The following RHOBTB1 variants were observed in gnomAD, a reference collection of about 807,000 sequenced individuals.
RHOBTB1 encodes Rho related BTB domain containing 1, also known as rho-related BTB domain-containing protein 1.
In RHOBTB1, 40 loss-of-function variants were observed where a neutral mutation model predicts 71.6. The observed-to-expected ratio is 0.56, with a 90% confidence interval of 0.43 to 0.73. The LOEUF (loss-of-function observed/expected upper bound fraction) is 0.73, where lower values mean the gene tolerates loss of function less well. Among genes scored for constraint, RHOBTB1 ranks in the 30% least tolerant of loss-of-function variants. RHOBTB1 has a pLI of 0.00. For synonymous variants in RHOBTB1, 319 were observed against 334.9 expected, an observed-to-expected ratio of 0.95 and a Z score of 0.52; for missense variants, 797 against 894.0, an observed-to-expected ratio of 0.89 and a Z score of 1.38.
intron 9 of RHOBTB1, 45 bp from the exon 10 acceptor site, chr10:60,872,335 A>G: frequency 7.2e-7 from 1 of 1,385,822 alleles, no homozygotes; most frequent in Non-Finnish European, 1.0e-6. Flanking sequence ...TTTTCTAAAG[A>G]GGGGCTACAA....
chr10:60,934,569 G>A (rs1490035344), intron 2 of RHOBTB1, among the ~76,000 whole-genome samples: 1 of 152,202 alleles, frequency 6.6e-6, no homozygotes, highest in Non-Finnish European at 1.5e-5. Context: ...AATAAATAGA[G>A]TTTAAAGAAT....
intron 2 of RHOBTB1, among the ~76,000 whole-genome samples, chr10:60,979,059 G>T (rs554565595): frequency 1.2e-3 from 181 of 152,188 alleles, no homozygotes; most frequent in Non-Finnish European, 1.9e-3. Context: ...TGGCTTCCTT[G>T]TCATCAGTAG....
intron 2 of RHOBTB1, among the ~76,000 whole-genome samples, chr10:60,939,109 C>G (rs1268953849): frequency 1.3e-5 from 2 of 152,176 alleles, no homozygotes; most frequent in Non-Finnish European, 1.5e-5. Context: ...TTGCTTTCTT[C>G]TAGACCTATT....
chr10:60,879,509 T>C (rs2081210476), intron 7 of RHOBTB1, among the ~76,000 whole-genome samples: 1 of 151,424 alleles, frequency 6.6e-6, no homozygotes, highest in South Asian at 2.1e-4. Context: ...ATTTATTTTA[T>C]TAATTTTTTT....
chr10:60,988,266 T>A (rs2086737455), intron 1 of RHOBTB1, among the ~76,000 whole-genome samples: 1 of 152,154 alleles, frequency 6.6e-6, no homozygotes, highest in Admixed American at 6.5e-5. Context: ...ACAGTTATAT[T>A]TATTTATTTC....
intron 2 of RHOBTB1, among the ~76,000 whole-genome samples, chr10:60,974,238 G>C (rs991740363): frequency 6.6e-6 from 1 of 151,926 alleles, no homozygotes; most frequent in Non-Finnish European, 1.5e-5. Flanking sequence ...TAATATAAAT[G>C]TATACTTGGA....
Position 60,888,760 on chromosome 10 carries a change from G to A in RHOBTB1, c.908C>T (p.Ser303Phe), listed in dbSNP as rs774977675. 1.9e-5 allele frequency: 30 copies of A among 1,614,070 alleles called. No individual in the cohort carries two copies. Among genetic ancestry groups the A allele is most frequent in the Non-Finnish European group, 2.5e-5 (29 of 1,180,036 alleles). ...ACAGGCTCCTTCACTCCCATTTGGGGATTCTTCACATTCCATTAAAAACAG... is the reference window on the plus strand; with the variant it reads ...ACAGGCTCCTTCACTCCCATTTGGGAATTCTTCACATTCCATTAAAAACAG... The part of the protein sequence containing the change: ...YDLFLMECEE[S>F]PNGSEGACEK... Residue 303 changes from serine (S) to phenylalanine (F), a missense_variant, in exon 6 of 11, where the codon TCC becomes TTC. By Grantham distance (155) the Ser-to-Phe change is radical (BLOSUM62 -2). Coordinates refer to ENST00000337910, the MANE Select transcript of RHOBTB1 (RefSeq NM_014836.5).
At chr10:60,910,368 T>C (rs766309683) in intron 4 of RHOBTB1, among the ~76,000 whole-genome samples, 3 of 152,248 alleles carry the variant, frequency 2.0e-5, no homozygotes, top group East Asian at 1.9e-4. Context: ...TTTGGAAATA[T>C]GTCTTGCGAA....
chr10:60,979,540 G>T (rs1038861371), intron 2 of RHOBTB1, among the ~76,000 whole-genome samples: 1 of 152,134 alleles, frequency 6.6e-6, no homozygotes, highest in African/African-American at 2.4e-5. Context: ...TGAGGGAAAA[G>T]AAATGAGGTG....
chr10:60,866,355 A>G (rs2080635399), downstream of RHOBTB1, among the ~76,000 whole-genome samples: 1 of 152,230 alleles, frequency 6.6e-6, no homozygotes, highest in Non-Finnish European at 1.5e-5. Context: ...AAAAGTAGAT[A>G]GAAGGAAATT....
At chr10:60,936,734 C>A (rs1283618281) in intron 2 of RHOBTB1, among the ~76,000 whole-genome samples, 2 of 152,226 alleles carry the variant, frequency 1.3e-5, no homozygotes, top group Non-Finnish European at 2.9e-5. Context: ...TCATAATCTG[C>A]ACTTTAACAA....
At chr10:60,977,047 G>A (rs2086340422) in intron 2 of RHOBTB1, among the ~76,000 whole-genome samples, 1 of 151,934 alleles carries the variant, frequency 6.6e-6, no homozygotes, top group Admixed American at 6.6e-5. Flanking sequence ...GTAAATGAAG[G>A]AGAATTATAT....
chr10:60,936,977 T>C (rs1411073538), intron 2 of RHOBTB1, among the ~76,000 whole-genome samples: 1 of 152,200 alleles, frequency 6.6e-6, no homozygotes, highest in Admixed American at 6.5e-5. Flanking sequence ...CATCTTGCAA[T>C]ATGCATTTAC....
chr10:60,937,744 G>T (rs1027724816), intron 2 of RHOBTB1, among the ~76,000 whole-genome samples: 1 of 152,176 alleles, frequency 6.6e-6, no homozygotes, highest in Non-Finnish European at 1.5e-5. Context: ...AGAAAAAAAG[G>T]TTCCTATAAC....
At chr10:60,884,154 C>T (rs1051319825) in intron 7 of RHOBTB1, among the ~76,000 whole-genome samples, 1 of 152,150 alleles carries the variant, frequency 6.6e-6, no homozygotes, top group African/African-American at 2.4e-5. Context: ...ATGAGAGTGG[C>T]CTAGTGATCT....
chr10:60,905,470 A>AT (rs2082628523), intron 4 of RHOBTB1, among the ~76,000 whole-genome samples: 1 of 151,362 alleles, frequency 6.6e-6, no homozygotes, highest in African/African-American at 2.4e-5. Context: ...AAAAAAAAAA[A>AT]AAAAATTCAA....
At chr10:60,991,393 C>T (rs2086860763) in intron 1 of RHOBTB1, among the ~76,000 whole-genome samples, 3 of 151,476 alleles carry the variant, frequency 2.0e-5, no homozygotes, top group East Asian at 1.9e-4. Context: ...CAGTTCACTC[C>T]TCTTCTGCAC....
chr10:60,977,708 T>A (rs1393694049), intron 2 of RHOBTB1, among the ~76,000 whole-genome samples: 1 of 152,046 alleles, frequency 6.6e-6, no homozygotes, highest in Non-Finnish European at 1.5e-5. Context: ...TGAACCAAGG[T>A]GGTGAAAAAG....
intron 2 of RHOBTB1, among the ~76,000 whole-genome samples, chr10:60,976,469 A>C (rs2134741194): frequency 1.3e-5 from 2 of 152,136 alleles, no homozygotes; most frequent in Middle Eastern, 6.8e-3. Flanking sequence ...CGAGTTAAGA[A>C]ACTGTATACT....
Sources: gnomAD v4.1 joint callset for allele counts (sites outside exome capture counted in the v4.1 genomes callset) on GRCh38, gnomAD v4.1.1 for gene constraint, MANE v1.5 for transcripts, NCBI Gene and HGNC (gene_info 2026-07-23, HGNC 2026-07-21) for gene names.